The following THRAP3 variants were observed in gnomAD, a reference collection of about 807,000 sequenced individuals.
THRAP3 encodes thyroid hormone receptor-associated protein 3.
THRAP3 carries 16 observed loss-of-function variants against 101.0 expected under a neutral mutation model. That is an observed-to-expected ratio of 0.16 (90% CI 0.11 to 0.24). The LOEUF (loss-of-function observed/expected upper bound fraction) is 0.24. Among genes scored for constraint, THRAP3 ranks in the 10% least tolerant of loss-of-function variants. The pLI, the probability that THRAP3 is intolerant of heterozygous loss-of-function variation, is 1.00. For synonymous variants in THRAP3, 407 were observed against 422.6 expected (o/e 0.96, Z 0.45); for missense variants, 989 against 1,202.7 (o/e 0.82, Z 2.63).
At chr1:36,273,058 CTG>C (rs1267959848) in intron 2 of THRAP3, among the ~76,000 whole-genome samples, 44 of 152,376 alleles carry the variant, frequency 2.9e-4, no homozygotes, top group African/African-American at 1.1e-3. Context: ...AGTGTCCACT[CTG>C]TGGCTAAACG....
At chr1:36,216,037 C>T in the THRAP3 span, among the ~76,000 whole-genome samples, 3 of 152,080 alleles carry the variant, frequency 2.0e-5, no homozygotes, top group African/African-American at 7.2e-5. Context: ...GCATAAGCCA[C>T]AGCGCCCAGC....
intron 1 of THRAP3, among the ~76,000 whole-genome samples, chr1:36,235,819 C>T (rs1645081116): frequency 6.6e-6 from 1 of 152,038 alleles, no homozygotes; most frequent in African/African-American, 2.4e-5. Flanking sequence ...TATATGCCAC[C>T]ATGGGACTGC....
At chr1:36,257,661 T>C (rs1333583592) in intron 1 of THRAP3, among the ~76,000 whole-genome samples, 1 of 152,170 alleles carries the variant, frequency 6.6e-6, no homozygotes, top group Non-Finnish European at 1.5e-5. Flanking sequence ...GATTTGCTTA[T>C]TCACTCATCG....
At chr1:36,245,932 C>G (rs1198853792) in intron 1 of THRAP3, among the ~76,000 whole-genome samples, 2 of 152,108 alleles carry the variant, frequency 1.3e-5, no homozygotes, top group Non-Finnish European at 2.9e-5. Context: ...AAGAGGTAAC[C>G]TGAGTGCATA....
In THRAP3 at chr1:36,290,719, G is replaced by A. The variant is rs183723310; in HGVS notation, c.1746-655G>A. On this transcript the variant is annotated intron_variant, in intron 5 of 11. Coordinates refer to ENST00000354618, the MANE Select transcript of THRAP3 (RefSeq NM_005119.4). ...GACTTCAGGTGATCTGCCTGCCTTA[G>A]CCTCCCAAAGTGCTGGGATTACAGG... Among the ~76,000 whole-genome samples the A allele has an allele frequency of 2.9e-4, 44 of 152,306 alleles. No homozygotes were observed. In the East Asian group the frequency reaches 8.3e-3, roughly 29 times the overall value.
chr1:36,257,618 G>A (rs903788516), intron 1 of THRAP3, among the ~76,000 whole-genome samples: 5 of 152,126 alleles, frequency 3.3e-5, no homozygotes, highest in African/African-American at 4.8e-5. Context: ...GTGTCTCTTC[G>A]CTGTCACAGA....
chr1:36,228,640 C>T lies in THRAP3; in HGVS notation c.-135+4135C>T, dbSNP rs541393330. Among the ~76,000 whole-genome samples, 5 of 152,318 alleles carry T rather than the reference C, an allele frequency of 3.3e-5. No individual in the cohort carries two copies. In the East Asian group the frequency reaches 9.6e-4, roughly 29 times the overall value. ...AAAGTGCTGGGATTACAGGCGTGAG[C>T]CACCACGCACAGCCTGCAGCAGGAC... is the stretch of plus-strand genomic sequence containing the variant. On this transcript the variant is annotated intron_variant, in intron 1 of 11. Coordinates refer to ENST00000354618, the MANE Select transcript of THRAP3 (RefSeq NM_005119.4).
At chr1:36,302,084 C>T (rs1646037207) in intron 11 of THRAP3, among the ~76,000 whole-genome samples, 1 of 152,176 alleles carries the variant, frequency 6.6e-6, no homozygotes, top group East Asian at 1.9e-4. Context: ...CAAGAAAGAC[C>T]GCTCAGGATC....
chr1:36,276,219 A>T (rs1182031736), intron 2 of THRAP3, among the ~76,000 whole-genome samples: 2 of 138,860 alleles, frequency 1.4e-5, no homozygotes, highest in East Asian at 5.2e-4. Context: ...CAGCAGAGTA[A>T]AAAAAAAAAA....
At chr1:36,279,432 CAA>C (rs1188108457) in intron 2 of THRAP3, among the ~76,000 whole-genome samples, 1 of 152,116 alleles carries the variant, frequency 6.6e-6, no homozygotes, top group Non-Finnish European at 1.5e-5. Flanking sequence ...ACCAAAAAAA[CAA>C]AATGTATTTT....
intron 1 of THRAP3, among the ~76,000 whole-genome samples, chr1:36,232,755 G>A (rs957743767): frequency 6.6e-6 from 1 of 152,170 alleles, no homozygotes; most frequent in African/African-American, 2.4e-5. Context: ...AAAATAATTT[G>A]TACAGTGGTA....
At chr1:36,268,533 G>A (rs956990131) in intron 2 of THRAP3, among the ~76,000 whole-genome samples, 1 of 152,130 alleles carries the variant, frequency 6.6e-6, no homozygotes, top group South Asian at 2.1e-4. Flanking sequence ...GACCCACCTT[G>A]CTGTGTCCTC....
At chr1:36,224,716 G>T (rs1570208646) in intron 1 of THRAP3, among the ~76,000 whole-genome samples, 1 of 152,156 alleles carries the variant, frequency 6.6e-6, no homozygotes, top group African/African-American at 2.4e-5. Flanking sequence ...CCTGGCCCCG[G>T]CCTAGCTCCC....
intron 11 of THRAP3, 120 bp from the exon 12 acceptor site, chr1:36,303,676 A>C: frequency 6.7e-7 from 1 of 1,483,942 alleles, no homozygotes; most frequent in Non-Finnish European, 9.0e-7. Context: ...GAAAAGGATC[A>C]AAAGGCTGGG....
the THRAP3 span, among the ~76,000 whole-genome samples, chr1:36,219,091 G>A: frequency 1.4e-5 from 2 of 147,452 alleles, no homozygotes; most frequent in East Asian, 4.0e-4. Context: ...TTGATAAGAA[G>A]GCAAAACAGC....
chr1:36,265,252 G>A (rs1645498623), intron 2 of THRAP3, among the ~76,000 whole-genome samples: 1 of 152,054 alleles, frequency 6.6e-6, no homozygotes, highest in African/African-American at 2.4e-5. Context: ...ATTAACTAAA[G>A]TATCATCCTT....
At chr1:36,287,503 AATG>A (rs1570329956) in intron 4 of THRAP3, 1 of 985,468 alleles carries the variant, frequency 1.0e-6, no homozygotes, top group Non-Finnish European at 1.2e-6. Context: ...ACTACTCTGC[AATG>A]ATGTTTTCAC....
Position 36,287,262 on chromosome 1 carries a change from T to C in THRAP3, c.1032T>C (p.Tyr344=). 1 of 1,599,128 alleles carries C rather than the reference T, an allele frequency of 6.3e-7. No homozygotes were observed. Among genetic ancestry groups the C allele is most frequent in the East Asian group, 2.2e-5 (1 of 44,692 alleles). The part of the protein sequence containing the change: ...EESAASGGAA[Y]TKRYLEEQKT... ...GTGCTGCTTCAGGAGGAGCAGCCTA[T>C]ACAAAGAGGCAAGTATCTCATTTCC... Residue 344 remains tyrosine (Y), a synonymous_variant, in exon 4 of 12, where the codon TAT becomes TAC. Transcript: ENST00000354618.
intron 4 of THRAP3, 164 bp downstream of exon 4, chr1:36,287,434 A>C (rs1056013078): frequency 2.0e-6 from 2 of 983,866 alleles, no homozygotes; most frequent in Admixed American, 1.2e-4. Flanking sequence ...GGAAACCTTT[A>C]GGTTAACTCT....
Sources: gnomAD v4.1 joint callset for allele counts (sites outside exome capture counted in the v4.1 genomes callset) on GRCh38, gnomAD v4.1.1 for gene constraint, MANE v1.5 for transcripts, NCBI Gene and HGNC (gene_info 2026-07-23, HGNC 2026-07-21) for gene names.